Variants in PDE1C observed in about 807,000 individuals in gnomAD.
PDE1C encodes dual specificity calcium/calmodulin-dependent 3',5'-cyclic nucleotide phosphodiesterase 1C.
A neutral mutation model predicts 93.1 loss-of-function variants in PDE1C; 62 were observed. The ratio of observed to expected loss-of-function variants is 0.67; its 90% CI spans 0.54 to 0.82. PDE1C has a LOEUF of 0.82. PDE1C is among the 40% of genes least tolerant of loss of function. PDE1C has a pLI of 0.00. For missense variants in PDE1C, 742 were observed against 884.6 expected (o/e 0.84, Z 2.04); for synonymous variants, 325 against 310.1 (o/e 1.05, Z -0.50).
chr7:31,656,587 T>G, the PDE1C span: 10 of 587,524 alleles, frequency 1.7e-5, no homozygotes, highest in East Asian at 1.4e-4. Flanking sequence ...GATGAATGAA[T>G]GAGATGAGGA....
At chr7:32,127,628 A>T (rs552711514) in intron 3 of PDE1C, among the ~76,000 whole-genome samples, 3 of 152,200 alleles carry the variant, frequency 2.0e-5, no homozygotes, top group African/African-American at 7.2e-5. Flanking sequence ...ATATATCAAC[A>T]ATAAGCAAGA....
At chr7:32,325,270 TGAA>T (rs1783384643) in intron 1 of PDE1C, among the ~76,000 whole-genome samples, 1 of 152,196 alleles carries the variant, frequency 6.6e-6, no homozygotes. Context: ...GGCCACTGCC[TGAA>T]GATCTCATTA....
chr7:32,253,069 A>C (rs945991900), intron 1 of PDE1C, among the ~76,000 whole-genome samples: 5 of 152,136 alleles, frequency 3.3e-5, no homozygotes, highest in Non-Finnish European at 7.3e-5. Context: ...TGCTGAATGG[A>C]GAATGGATTT....
chr7:32,323,369 T>C (rs1047793204), intron 1 of PDE1C, among the ~76,000 whole-genome samples: 3 of 152,162 alleles, frequency 2.0e-5, no homozygotes, highest in Admixed American at 1.3e-4. Flanking sequence ...ATTGTATGTC[T>C]TGAGACATAC....
rs529797933 is a variant in PDE1C at position 32,146,614 on chromosome 7, C to G, written c.308+23171G>C. On this transcript the variant is annotated intron_variant, in intron 3 of 18. Transcript: ENST00000396193. ...CTCAAGATTCTTAACCTAAATACAT[C>G]TGCAAAGACCCTTTTTGCCATGTGA... is the stretch of plus-strand genomic sequence containing the variant. 2.0e-5 allele frequency among the ~76,000 whole-genome samples: 3 copies of G among 152,262 alleles called. No homozygotes were observed. In the East Asian group the frequency reaches 5.8e-4, roughly 29 times the overall value.
chr7:31,879,534 C>T (rs532541271), intron 3 of PDE1C, among the ~76,000 whole-genome samples: 3 of 152,230 alleles, frequency 2.0e-5, no homozygotes, highest in South Asian at 2.1e-4. Flanking sequence ...GACCATGTGA[C>T]GTTATTTTGT....
At chr7:31,716,409 T>A in the PDE1C span, among the ~76,000 whole-genome samples, 1 of 152,202 alleles carries the variant, frequency 6.6e-6, no homozygotes, top group Non-Finnish European at 1.5e-5. Context: ...GCTATTACCA[T>A]GATTTAGTTA....
the PDE1C span, among the ~76,000 whole-genome samples, chr7:31,710,268 T>C: frequency 6.6e-6 from 1 of 152,338 alleles, no homozygotes; most frequent in East Asian, 1.9e-4. Context: ...GGCCATTTGT[T>C]CATTCTGAAG....
In PDE1C at chr7:32,268,081, C is replaced by T. The variant is rs954541615; in HGVS notation, c.85+30570G>A. On this transcript the variant is annotated intron_variant, in intron 1 of 18. Coordinates refer to the PDE1C transcript ENST00000396193. The stretch of plus-strand genomic sequence containing the variant: ...CGTCGGGGGTTACCCACCAGCCATG[C>T]GGGTCACACCAGGCCTGGAACCCAA... 2.0e-5 allele frequency among the ~76,000 whole-genome samples: 3 copies of T among 152,174 alleles called. 1 individual carries two copies. The highest frequency in any genetic ancestry group is 6.3e-3 in the Middle Eastern group (2 of 316).
the PDE1C span, chr7:31,642,296 T>A: frequency 2.2e-6 from 3 of 1,364,712 alleles, no homozygotes; most frequent in African/African-American, 1.4e-5. Flanking sequence ...TGCTCATCCC[T>A]AACATCCCAC....
chr7:32,171,489 TTA>T (rs1363528571), intron 2 of PDE1C, among the ~76,000 whole-genome samples: 4 of 149,492 alleles, frequency 2.7e-5, no homozygotes, highest in South Asian at 2.1e-4. Context: ...CTTAATATTA[TTA>T]TTTTACTTAT....
intron 16 of PDE1C, among the ~76,000 whole-genome samples, chr7:31,804,679 C>T (rs926380445): frequency 2.0e-5 from 3 of 151,650 alleles, no homozygotes; most frequent in Non-Finnish European, 4.4e-5. Flanking sequence ...AAAAGAAGTA[C>T]TTTGTGGCTT....
chr7:32,111,953 C>T (rs1192541585), intron 3 of PDE1C, among the ~76,000 whole-genome samples: 1 of 152,138 alleles, frequency 6.6e-6, no homozygotes, highest in Non-Finnish European at 1.5e-5. Context: ...TATCTTCACA[C>T]AAAGTGAGAG....
chr7:31,926,570 C>T (rs776062290), intron 2 of PDE1C, among the ~76,000 whole-genome samples: 9 of 152,176 alleles, frequency 5.9e-5, no homozygotes, highest in Non-Finnish European at 1.0e-4. Flanking sequence ...GTGATTCCTG[C>T]ATTTCCAGCT....
At position 31,823,244 on chromosome 7, in the gene PDE1C, T is replaced by G. The variant is rs1323479475; in HGVS notation, c.1411A>C (p.Asn471His). The change falls in exon 14 of 18, where the codon AAT (asparagine) becomes CAT (histidine). Residue 471 changes from asparagine (N) to histidine (H), a missense_variant. Asn to His is a moderately conservative substitution (Grantham distance 68, BLOSUM62 1). Coordinates refer to ENST00000396191, the MANE Select transcript of PDE1C (RefSeq NM_001191057.4). ...GGTGQRRSSL[N>H]SISSSDAKRS... ...TTGGCATCTGACGAGCTGATGCTATTCAAACTGGAAAACAAAAAAATCATA... is the reference window on the plus strand; with the variant it reads ...TTGGCATCTGACGAGCTGATGCTATGCAAACTGGAAAACAAAAAAATCATA... 6.2e-7 allele frequency: 1 copy of G among 1,601,994 alleles called. No individual in the cohort carries two copies. The highest frequency in any genetic ancestry group is 1.8e-5 in the Admixed American group (1 of 56,724).
At chr7:32,318,474 C>CT (rs1450702353) in intron 1 of PDE1C, among the ~76,000 whole-genome samples, 1 of 152,200 alleles carries the variant, frequency 6.6e-6, no homozygotes, top group Non-Finnish European at 1.5e-5. Context: ...CACAGCTGTG[C>CT]TTACAGCCTG....
At chr7:31,888,264 A>AAG (rs1217011561) in intron 2 of PDE1C, among the ~76,000 whole-genome samples, 3 of 150,510 alleles carry the variant, frequency 2.0e-5, no homozygotes, top group Admixed American at 2.0e-4. Context: ...AAAAAAAAAA[A>AAG]AAAAAAAAAG....
intron 1 of PDE1C, among the ~76,000 whole-genome samples, chr7:32,250,960 A>G (rs1809325688): frequency 6.6e-6 from 1 of 152,260 alleles, no homozygotes; most frequent in South Asian, 2.1e-4. Context: ...CTAATGCCAG[A>G]TGGCGACATT....
chr7:31,998,441 T>C (rs1785044316), intron 2 of PDE1C, among the ~76,000 whole-genome samples: 1 of 152,230 alleles, frequency 6.6e-6, no homozygotes, highest in Non-Finnish European at 1.5e-5. Flanking sequence ...TAGGCCTCTG[T>C]GCATTTATTA....
Sources: gnomAD v4.1 joint callset for allele counts (sites outside exome capture counted in the v4.1 genomes callset) on GRCh38, gnomAD v4.1.1 for gene constraint, MANE v1.5 for transcripts, NCBI Gene and HGNC (gene_info 2026-07-23, HGNC 2026-07-21) for gene names.